TENM3: variants seen among roughly 807,000 people sequenced by gnomAD.
The protein encoded by TENM3 is teneurin-3.
TENM3 carries 63 observed loss-of-function variants against 255.1 expected under a neutral mutation model. That is an observed-to-expected ratio of 0.25 (90% confidence interval 0.20 to 0.30). The LOEUF (loss-of-function observed/expected upper bound fraction) is 0.30, where lower values mean the gene tolerates loss of function less well. TENM3 is among the 10% of genes least tolerant of loss of function. TENM3 has a pLI of 1.00. For synonymous variants in TENM3, 1,306 were observed against 1,322.3 expected (o/e 0.99, Z 0.27); for missense variants, 2,929 against 3,461.1 (o/e 0.85, Z 3.86).
At chr4:182,099,331 G>A in the TENM3 span, among the ~76,000 whole-genome samples, 1 of 151,996 alleles carries the variant, frequency 6.6e-6, no homozygotes, top group Non-Finnish European at 1.5e-5. Context: ...ACACTTCAAA[G>A]CCCAAGACCT....
chr4:181,798,423 C>T, the TENM3 span, among the ~76,000 whole-genome samples: 2 of 152,146 alleles, frequency 1.3e-5, no homozygotes, highest in African/African-American at 2.4e-5. Flanking sequence ...ATTATCCACC[C>T]TCAGACTCCC....
the TENM3 span, among the ~76,000 whole-genome samples, chr4:181,873,603 G>A: frequency 6.6e-6 from 1 of 152,068 alleles, no homozygotes; most frequent in Admixed American, 6.5e-5. Context: ...TGTCATTAGA[G>A]ATGTACTTTG....
Position 182,524,622 on chromosome 4 carries a change from A to G in TENM3, c.512-76302A>G, listed in dbSNP as rs538442574. Among the ~76,000 whole-genome samples, 6 of 151,718 alleles carry G rather than the reference A, an allele frequency of 4.0e-5. No homozygotes were observed. In the South Asian group the frequency reaches 1.0e-3, roughly 26 times the overall value. ...GTGATCCTCCTGTCTCGGCCTCCCA[A>G]AGTACTGGGATTACAGACTTGAACC... On this transcript the variant is annotated intron_variant, in intron 3 of 27. Transcript: ENST00000511685.
chr4:181,666,105 A>G, the TENM3 span, among the ~76,000 whole-genome samples: 20 of 152,226 alleles, frequency 1.3e-4, no homozygotes, highest in East Asian at 3.9e-3. Flanking sequence ...CTTTTTATTA[A>G]TCTTTATTTT....
the TENM3 span, among the ~76,000 whole-genome samples, chr4:181,941,073 G>A: frequency 6.6e-6 from 1 of 152,226 alleles, no homozygotes; most frequent in Non-Finnish European, 1.5e-5. Context: ...TCAGAAGACT[G>A]CGAGAATGGG....
chr4:182,371,227 C>T (rs1322839067), intron 3 of TENM3, among the ~76,000 whole-genome samples: 2 of 55,414 alleles, frequency 3.6e-5, no homozygotes, highest in African/African-American at 1.3e-4. Context: ...TTCTCCTCCC[C>T]ATCACACACA....
chr4:182,038,545 G>A, the TENM3 span, among the ~76,000 whole-genome samples: 8 of 152,182 alleles, frequency 5.3e-5, no homozygotes, highest in Admixed American at 3.3e-4. Context: ...CTGTTCGCAG[G>A]CAGTCTGGTT....
At chr4:182,073,620 A>G in the TENM3 span, among the ~76,000 whole-genome samples, 1 of 152,216 alleles carries the variant, frequency 6.6e-6, no homozygotes, top group Admixed American at 6.5e-5. Flanking sequence ...GGAAACCAAA[A>G]GGCAGAGGAC....
chr4:181,741,245 C>A, the TENM3 span, among the ~76,000 whole-genome samples: 2 of 152,080 alleles, frequency 1.3e-5, no homozygotes, highest in African/African-American at 4.8e-5. Flanking sequence ...CCTCAACAAG[C>A]CATGGTGTTT....
At chr4:182,070,577 G>A in the TENM3 span, among the ~76,000 whole-genome samples, 1 of 152,222 alleles carries the variant, frequency 6.6e-6, no homozygotes, top group East Asian at 1.9e-4. Context: ...AAATTGCGCC[G>A]CTGCACTGTA....
the TENM3 span, among the ~76,000 whole-genome samples, chr4:181,784,029 C>T: frequency 6.6e-6 from 1 of 152,128 alleles, no homozygotes; most frequent in Non-Finnish European, 1.5e-5. Context: ...TACTATGTTT[C>T]AACATTTGCA....
At chr4:182,491,484 A>G (rs1035610863) in intron 3 of TENM3, among the ~76,000 whole-genome samples, 1 of 152,058 alleles carries the variant, frequency 6.6e-6, no homozygotes, top group African/African-American at 2.4e-5. Flanking sequence ...TATAAACATG[A>G]TACTGTGGTA....
chr4:181,943,823 T>C, the TENM3 span, among the ~76,000 whole-genome samples: 1 of 152,338 alleles, frequency 6.6e-6, no homozygotes, highest in South Asian at 2.1e-4. Context: ...TTCAATTTTT[T>C]GGTCTGACAC....
At chr4:181,857,439 G>C in the TENM3 span, among the ~76,000 whole-genome samples, 3 of 151,572 alleles carry the variant, frequency 2.0e-5, no homozygotes, top group African/African-American at 7.3e-5. Context: ...TTTTGGCCAG[G>C]TGCAGTGGCT....
intron 25 of TENM3, among the ~76,000 whole-genome samples, chr4:182,790,823 A>G (rs1327041402): frequency 3.9e-5 from 6 of 152,228 alleles, no homozygotes; most frequent in Non-Finnish European, 8.8e-5. Flanking sequence ...AGTGATCATA[A>G]TGGCACTGGG....
the TENM3 span, among the ~76,000 whole-genome samples, chr4:181,502,620 T>C: frequency 6.6e-6 from 1 of 152,336 alleles, no homozygotes; most frequent in East Asian, 1.9e-4. Context: ...TGGCCAGAAC[T>C]AGCACGGTGT....
intron 6 of TENM3, among the ~76,000 whole-genome samples, chr4:182,656,972 T>C (rs2152522160): frequency 6.6e-6 from 1 of 152,258 alleles, no homozygotes; most frequent in South Asian, 2.1e-4. Context: ...ACAAAACTGA[T>C]GGAAATGGAC....
At chr4:182,094,967 A>G in the TENM3 span, among the ~76,000 whole-genome samples, 2 of 151,778 alleles carry the variant, frequency 1.3e-5, no homozygotes, top group Non-Finnish European at 2.9e-5. Flanking sequence ...GGAAATTTTT[A>G]AACATCTAAA....
At chr4:182,575,798 A>C (rs1356371025) in intron 3 of TENM3, among the ~76,000 whole-genome samples, 11 of 152,304 alleles carry the variant, frequency 7.2e-5, no homozygotes, top group African/African-American at 2.4e-4. Flanking sequence ...TAGATATAAT[A>C]CTGTATTAAA....
Sources: gnomAD v4.1 joint callset for allele counts (sites outside exome capture counted in the v4.1 genomes callset) on GRCh38, gnomAD v4.1.1 for gene constraint, MANE v1.5 for transcripts, NCBI Gene and HGNC (gene_info 2026-07-23, HGNC 2026-07-21) for gene names.